Variants in FAM83B observed in about 807,000 individuals in gnomAD.
The protein encoded by FAM83B is protein FAM83B.
A neutral mutation model predicts 38.8 loss-of-function variants in FAM83B; 26 were observed. That is an observed-to-expected ratio of 0.67 (90% CI 0.49 to 0.93). The LOEUF is 0.93. Ranked by LOEUF, FAM83B falls within the 40% of genes least tolerant of loss-of-function variation. FAM83B has a pLI of 0.00. For synonymous variants in FAM83B, 419 were observed against 423.1 expected (o/e 0.99, Z 0.12); for missense variants, 1,237 against 1,197.3 (o/e 1.03, Z -0.49).
At chr6:54,881,901 T>C (rs1772139812) in intron 2 of FAM83B, among the ~76,000 whole-genome samples, 1 of 152,244 alleles carries the variant, frequency 6.6e-6, no homozygotes, top group South Asian at 2.1e-4. Flanking sequence ...CTCCTAATGC[T>C]ATCCCTCCCC....
chr6:54,852,966 G>C (rs1263511277), intron 1 of FAM83B, among the ~76,000 whole-genome samples: 2 of 151,740 alleles, frequency 1.3e-5, no homozygotes, highest in Non-Finnish European at 2.9e-5. Context: ...AAGCTCATTG[G>C]CTATTGTTGT....
chr6:54,934,089 G>A (rs239787), intron 4 of FAM83B, among the ~76,000 whole-genome samples: 30,587 of 151,918 alleles, frequency 0.2, 3,530 homozygotes, highest in African/African-American at 0.31. Context: ...TTCACATATT[G>A]TTGTTAACTA....
At chr6:54,924,488 G>A (rs1400491026) in intron 2 of FAM83B, among the ~76,000 whole-genome samples, 1 of 150,898 alleles carries the variant, frequency 6.6e-6, no homozygotes, top group Non-Finnish European at 1.5e-5. Flanking sequence ...GGCTTTTGCT[G>A]TTCCTTCTCC....
chr6:54,869,720 G>C (rs1214579280), intron 1 of FAM83B, among the ~76,000 whole-genome samples: 1 of 152,094 alleles, frequency 6.6e-6, no homozygotes, highest in Non-Finnish European at 1.5e-5. Flanking sequence ...ACTGAATATA[G>C]GCATTACTCA....
intron 2 of FAM83B, among the ~76,000 whole-genome samples, chr6:54,893,231 A>C (rs757473613): frequency 6.6e-6 from 1 of 152,208 alleles, no homozygotes; most frequent in Admixed American, 6.5e-5. Context: ...TTTGTTATGC[A>C]GCAATAGATA....
At chr6:54,887,223 A>G (rs566417007) in intron 2 of FAM83B, among the ~76,000 whole-genome samples, 6 of 152,362 alleles carry the variant, frequency 3.9e-5, no homozygotes, top group African/African-American at 1.4e-4. Context: ...TTTATTCAAC[A>G]AATACAGTAG....
At chr6:54,910,061 T>C (rs1253575981) in intron 2 of FAM83B, among the ~76,000 whole-genome samples, 1 of 152,222 alleles carries the variant, frequency 6.6e-6, no homozygotes, top group Admixed American at 6.5e-5. Flanking sequence ...TATTTTTAAA[T>C]AGTTTATCTG....
At chr6:54,887,396 G>T (rs1772304262) in intron 2 of FAM83B, among the ~76,000 whole-genome samples, 1 of 152,174 alleles carries the variant, frequency 6.6e-6, no homozygotes, top group Non-Finnish European at 1.5e-5. Flanking sequence ...ACATACAGAG[G>T]TCCTGGAACT....
chr6:54,909,092 T>C (rs1484561909), intron 2 of FAM83B, among the ~76,000 whole-genome samples: 4 of 152,198 alleles, frequency 2.6e-5, no homozygotes, highest in Non-Finnish European at 5.9e-5. Flanking sequence ...AATTTGATTT[T>C]TACAATACCT....
intron 2 of FAM83B, among the ~76,000 whole-genome samples, chr6:54,881,863 G>A (rs546783987): frequency 2.6e-5 from 4 of 152,220 alleles, no homozygotes; most frequent in East Asian, 1.9e-4. Context: ...TGCTGCACCC[G>A]TTAACTGGTC....
chr6:54,850,190 C>A (rs151197828), intron 1 of FAM83B, among the ~76,000 whole-genome samples: 11 of 152,144 alleles, frequency 7.2e-5, no homozygotes, highest in African/African-American at 2.4e-4. Context: ...TCACAGCAGA[C>A]GTTGTTTGTG....
At chr6:54,862,036 T>G (rs983327971) in intron 1 of FAM83B, among the ~76,000 whole-genome samples, 2 of 152,196 alleles carry the variant, frequency 1.3e-5, no homozygotes, top group African/African-American at 4.8e-5. Flanking sequence ...AAGAATGCCT[T>G]TATTATTCAA....
chr6:54,935,647 T>C (rs2127590528), intron 4 of FAM83B, among the ~76,000 whole-genome samples: 1 of 152,190 alleles, frequency 6.6e-6, no homozygotes, highest in African/African-American at 2.4e-5. Flanking sequence ...GAAAGTTCTG[T>C]GTGGAAGTGT....
chr6:54,933,030 A>G (rs1172341156), intron 4 of FAM83B, among the ~76,000 whole-genome samples: 2 of 152,070 alleles, frequency 1.3e-5, no homozygotes, highest in East Asian at 3.9e-4. Context: ...CTATTTCTTC[A>G]AATAAGTTAT....
intron 4 of FAM83B, among the ~76,000 whole-genome samples, chr6:54,933,371 CTGTG>C (rs920577317): frequency 2.0e-5 from 3 of 151,036 alleles, no homozygotes; most frequent in Non-Finnish European, 4.4e-5. Flanking sequence ...GTTTACTTGT[CTGTG>C]TGTGTGTGTT....
chr6:54,848,551 T>G (rs1023402360), intron 1 of FAM83B, among the ~76,000 whole-genome samples: 2 of 152,222 alleles, frequency 1.3e-5, no homozygotes, highest in African/African-American at 4.8e-5. Flanking sequence ...TGGCTAAACT[T>G]TTTTGGGATG....
chr6:54,877,975 A>G (rs1228462817), intron 2 of FAM83B, among the ~76,000 whole-genome samples: 1 of 152,230 alleles, frequency 6.6e-6, no homozygotes, highest in East Asian at 1.9e-4. Context: ...ATTAGAAGTC[A>G]GAAGTCACTC....
chr6:54,910,033 A>G (rs1186055850), intron 2 of FAM83B, among the ~76,000 whole-genome samples: 1 of 152,214 alleles, frequency 6.6e-6, no homozygotes, highest in Non-Finnish European at 1.5e-5. Flanking sequence ...TAAAGAATTT[A>G]TATATGATTC....
At chr6:54,878,677 T>C (rs1474152710) in intron 2 of FAM83B, among the ~76,000 whole-genome samples, 2 of 152,176 alleles carry the variant, frequency 1.3e-5, no homozygotes, top group East Asian at 1.9e-4. Context: ...AGGCTAGATC[T>C]TGGGGATCCC....
Sources: allele counts gnomAD v4.1 joint callset (sites outside exome capture counted in the v4.1 genomes callset), GRCh38; gene constraint gnomAD v4.1.1; transcripts MANE v1.5; gene names NCBI Gene and HGNC (gene_info 2026-07-23, HGNC 2026-07-21).